ELF2: variants seen among roughly 807,000 people sequenced by gnomAD.
ELF2 encodes ETS-related transcription factor Elf-2.
ELF2 carries 11 observed loss-of-function variants against 54.8 expected under a neutral mutation model. The ratio of observed to expected loss-of-function variants is 0.20; its 90% CI spans 0.13 to 0.33. The LOEUF (loss-of-function observed/expected upper bound fraction) is 0.33, where lower values mean the gene tolerates loss of function less well. Ranked by LOEUF, ELF2 falls within the 10% of genes least tolerant of loss-of-function variation. ELF2 has a pLI of 1.00. For synonymous variants in ELF2, 203 were observed against 245.1 expected (o/e 0.83, Z 1.61); for missense variants, 513 against 703.0 (o/e 0.73, Z 3.06).
chr4:139,082,558 A>G (rs1464656306), intron 4 of ELF2, among the ~76,000 whole-genome samples: 1 of 152,234 alleles, frequency 6.6e-6, no homozygotes, highest in Non-Finnish European at 1.5e-5. Flanking sequence ...CAATACATAC[A>G]TATTATTTCA....
At chr4:139,074,185 A>G (rs889391682) in intron 4 of ELF2, among the ~76,000 whole-genome samples, 1 of 152,188 alleles carries the variant, frequency 6.6e-6, no homozygotes, top group Admixed American at 6.5e-5. Flanking sequence ...TCAAAGGAAA[A>G]CAAAGAAAGA....
intron 4 of ELF2, among the ~76,000 whole-genome samples, chr4:139,102,982 A>G (rs1261497896): frequency 6.6e-6 from 1 of 152,122 alleles, no homozygotes; most frequent in Non-Finnish European, 1.5e-5. Flanking sequence ...AAGTGCAAGC[A>G]ATCTGCCCAC....
At chr4:139,095,122 T>G (rs1230340798) in intron 4 of ELF2, among the ~76,000 whole-genome samples, 2 of 152,108 alleles carry the variant, frequency 1.3e-5, no homozygotes, top group African/African-American at 4.8e-5. Context: ...CCAATAATAA[T>G]TCTAGTTAGT....
At chr4:139,122,403 T>A (rs1015165050) in intron 4 of ELF2, among the ~76,000 whole-genome samples, 6 of 152,246 alleles carry the variant, frequency 3.9e-5, no homozygotes, top group African/African-American at 1.4e-4. Flanking sequence ...TGCATACCAA[T>A]CTTTATTCAT....
At chr4:139,075,461 C>T (rs1184545042) in intron 4 of ELF2, among the ~76,000 whole-genome samples, 2 of 152,274 alleles carry the variant, frequency 1.3e-5, no homozygotes, top group East Asian at 1.9e-4. Flanking sequence ...GACGGAGTCT[C>T]GCTCTGTTGC....
At chr4:139,116,320 T>C (rs1280407138) in intron 4 of ELF2, among the ~76,000 whole-genome samples, 1 of 151,640 alleles carries the variant, frequency 6.6e-6, no homozygotes, top group African/African-American at 2.4e-5. Context: ...TTATTAAAAA[T>C]TTAGGAAAAG....
intron 4 of ELF2, chr4:139,115,464 C>A: frequency 1.1e-6 from 1 of 927,840 alleles, no homozygotes; most frequent in Non-Finnish European, 1.3e-6. Flanking sequence ...TAGCTCGCCG[C>A]GGCGAGGGCA....
intron 4 of ELF2, among the ~76,000 whole-genome samples, chr4:139,077,916 G>A (rs1326516692): frequency 7.2e-5 from 11 of 152,102 alleles, no homozygotes; most frequent in Admixed American, 7.2e-4. Context: ...TAGTCTGACA[G>A]GTATCATTTT....
At chr4:139,133,493 C>T (rs2148852414) in intron 3 of ELF2, among the ~76,000 whole-genome samples, 1 of 152,300 alleles carries the variant, frequency 6.6e-6, no homozygotes, top group African/African-American at 2.4e-5. Flanking sequence ...TGTGTAAGGC[C>T]TTCAACTCTG....
At chr4:139,125,985 GCA>G (rs1026156433) in intron 3 of ELF2, among the ~76,000 whole-genome samples, 10 of 152,124 alleles carry the variant, frequency 6.6e-5, no homozygotes, top group Non-Finnish European at 1.2e-4. Flanking sequence ...GGCATAATAG[GCA>G]CAGTTGTTAG....
intron 1 of ELF2, among the ~76,000 whole-genome samples, chr4:139,155,715 A>T (rs1226862681): frequency 6.6e-6 from 1 of 152,258 alleles, no homozygotes; most frequent in Non-Finnish European, 1.5e-5. Flanking sequence ...GATAGAAAGT[A>T]AACTAATGAA....
At chr4:139,144,508 G>A (rs1578915348) in intron 1 of ELF2, among the ~76,000 whole-genome samples, 1 of 152,200 alleles carries the variant, frequency 6.6e-6, no homozygotes. Flanking sequence ...TGGCTGAACT[G>A]GGCGGATGAC....
At chr4:139,092,523 G>A (rs1048319016) in intron 4 of ELF2, among the ~76,000 whole-genome samples, 2 of 151,422 alleles carry the variant, frequency 1.3e-5, no homozygotes, top group African/African-American at 2.4e-5. Flanking sequence ...TTTGAGAGGC[G>A]GAGGCGGGTG....
chr4:139,152,928 G>T (rs1400866189), intron 1 of ELF2, among the ~76,000 whole-genome samples: 1 of 130,860 alleles, frequency 7.6e-6, no homozygotes, highest in African/African-American at 3.0e-5. Context: ...CAGAGTCTTG[G>T]TCTGTCGCCC....
At chr4:139,112,996 G>A (rs1017105891) in intron 4 of ELF2, among the ~76,000 whole-genome samples, 9 of 152,084 alleles carry the variant, frequency 5.9e-5, no homozygotes, top group South Asian at 2.1e-4. Context: ...ATGATCTATC[G>A]TCTAGATATA....
chr4:139,072,131 A>G (rs1329903013), intron 5 of ELF2, 92 bp from the exon 6 acceptor site: 2 of 1,282,402 alleles, frequency 1.6e-6, no homozygotes, highest in East Asian at 4.9e-5. Flanking sequence ...GAGGTGTGTT[A>G]AGAATTAATC....
At chr4:139,115,540 CT>C (rs1360556500) in intron 4 of ELF2, among the ~76,000 whole-genome samples, 6 of 151,728 alleles carry the variant, frequency 4.0e-5, no homozygotes, top group South Asian at 4.1e-4. Context: ...GCCGCGCCCC[CT>C]GACATGGATT....
chr4:139,125,480 A>ATCCTTTC, intron 3 of ELF2, 151 bp from the exon 4 acceptor site: 2 of 820,130 alleles, frequency 2.4e-6, no homozygotes, highest in South Asian at 4.7e-5. Context: ...CAAGAGATGA[A>ATCCTTTC]AAGGGCTAAC....
rs181504168 is a variant in ELF2, at chr4:139,139,805, T to C, written c.-251-308A>G. Reference sequence around the variant, plus strand: ...AAACAGGTTCTTTTTTTTTTCTCCATTGGGCAAGTTCTAATAACAGGTTCT... The same window carrying C: ...AAACAGGTTCTTTTTTTTTTCTCCACTGGGCAAGTTCTAATAACAGGTTCT... On this transcript the variant is annotated intron_variant, in intron 1 of 9. Coordinates refer to ENST00000686138, the MANE Select transcript of ELF2 (RefSeq NM_001331036.3). Among the ~76,000 whole-genome samples the C allele has an allele frequency of 2.9e-3, 443 of 152,182 alleles. 1 individual carries two copies. Among genetic ancestry groups the C allele is most frequent in the African/African-American group, 0.01 (425 of 41,508 alleles).
Sources: allele counts gnomAD v4.1 joint callset (sites outside exome capture counted in the v4.1 genomes callset), GRCh38; gene constraint gnomAD v4.1.1; transcripts MANE v1.5; gene names NCBI Gene and HGNC (gene_info 2026-07-23, HGNC 2026-07-21).